Variants in CNTRL observed in about 807,000 individuals in gnomAD.
CNTRL encodes the protein centriolin.
In CNTRL, 233 loss-of-function variants were observed where a neutral mutation model predicts 303.7. That is an observed-to-expected ratio of 0.77 (90% confidence interval 0.69 to 0.86). The LOEUF (loss-of-function observed/expected upper bound fraction) is 0.86, where lower values mean the gene tolerates loss of function less well. CNTRL is among the 40% of genes least tolerant of loss of function. The pLI is 0.00. For synonymous variants in CNTRL, 900 were observed against 922.2 expected (o/e 0.98, Z 0.44); for missense variants, 2,524 against 2,650.6 (o/e 0.95, Z 1.05).
At chr9:121,124,758 C>T (rs573671296) in intron 13 of CNTRL, among the ~76,000 whole-genome samples, 2 of 135,106 alleles carry the variant, frequency 1.5e-5, no homozygotes, top group Admixed American at 1.6e-4. Flanking sequence ...GGCAACATGG[C>T]GAAACCCCGT....
intron 43 of CNTRL, among the ~76,000 whole-genome samples, chr9:121,176,497 G>A (rs1474125668): frequency 6.6e-6 from 1 of 152,216 alleles, no homozygotes; most frequent in African/African-American, 2.4e-5. Context: ...GTTCGAGGAG[G>A]AGTGTGAGAG....
At chr9:121,128,687 T>A (rs1215329615) in intron 14 of CNTRL, among the ~76,000 whole-genome samples, 1 of 152,228 alleles carries the variant, frequency 6.6e-6, no homozygotes, top group Non-Finnish European at 1.5e-5. Flanking sequence ...TGCCATTGCT[T>A]TTGGTGTTTT....
At chr9:121,176,862 A>C (rs1042364581) in intron 43 of CNTRL, among the ~76,000 whole-genome samples, 2 of 152,328 alleles carry the variant, frequency 1.3e-5, no homozygotes, top group African/African-American at 4.8e-5. Flanking sequence ...CAAGTTCTGC[A>C]AGGTCCATCA....
chr9:121,145,963 C>CT (rs922865405), intron 22 of CNTRL, 145 bp from the exon 23 acceptor site: 4 of 650,208 alleles, frequency 6.2e-6, no homozygotes, highest in South Asian at 2.5e-5. Flanking sequence ...ATCAGTTTGC[C>CT]TTTTTTTGAC....
chr9:121,144,903 C>T lies in CNTRL; in HGVS notation c.3112C>T (p.Arg1038Ter), dbSNP rs200500136. 50 of 1,613,316 alleles carry T rather than the reference C, an allele frequency of 3.1e-5. No homozygotes were observed. Among genetic ancestry groups the T allele is most frequent in the Non-Finnish European group, 3.6e-5 (42 of 1,179,936 alleles). ...AGCACAAGCAGCCAGAGATCTCACCCGAGCAGAAGCTGAGATCGAACTCCT... is the reference window on the plus strand; with the variant it reads ...AGCACAAGCAGCCAGAGATCTCACCTGAGCAGAAGCTGAGATCGAACTCCT... The part of the protein sequence containing the change: ...KAAQAARDLT[R>*]AEAEIELLQN... Residue 1038 changes from arginine (R) to a stop codon, truncating the protein, a stop_gained, in exon 21 of 44, where the codon CGA (arginine) becomes TGA (stop). Coordinates refer to ENST00000373855, the MANE Select transcript of CNTRL (RefSeq NM_007018.6). LOFTEE classifies it high-confidence loss of function.
At chr9:121,087,975 T>G (rs1001348804) in intron 2 of CNTRL, among the ~76,000 whole-genome samples, 6 of 152,156 alleles carry the variant, frequency 3.9e-5, no homozygotes, top group Non-Finnish European at 7.4e-5. Flanking sequence ...TTGCCAAATA[T>G]TCCAGCTTCC....
At position 121,112,477 on chromosome 9, in the gene CNTRL, G is replaced by A. The variant is rs763465202; in HGVS notation, c.1021G>A (p.Glu341Lys). 10 of 1,612,688 alleles carry A rather than the reference G, an allele frequency of 6.2e-6. No homozygotes were observed. The South Asian group carries it at 1.1e-4, about 18-fold the overall frequency. Residue 341 changes from glutamate (E) to lysine (K), a missense_variant, in exon 9 of 44, where the codon GAA becomes AAA. By Grantham distance (56) the Glu-to-Lys change is moderately conservative. Coordinates refer to ENST00000373855, the MANE Select transcript of CNTRL (RefSeq NM_007018.6). ...KNELLKQKTI[E>K]LTRACQKQYE... ...CCAATAGCTAAAACAGAAGACCATAGAATTAACACGAGCATGTCAGAAGCA... is the reference window on the plus strand; with the variant it reads ...CCAATAGCTAAAACAGAAGACCATAAAATTAACACGAGCATGTCAGAAGCA...
Position 121,167,580 on chromosome 9 carries a change from A to G in CNTRL, c.5747A>G (p.Glu1916Gly). 6.2e-7 allele frequency: 1 copy of G among 1,614,182 alleles called. No individual in the cohort carries two copies. The highest frequency in any genetic ancestry group is 8.5e-7 in the Non-Finnish European group (1 of 1,180,022). Reference protein sequence around the residue: ...KDISEWANRFEDCQKEEETKQ... With the variant: ...KDISEWANRFGDCQKEEETKQ... ...ATCAGTGAATGGGCAAATAGGTTTGAAGACTGTCAGAAAGAAGAGGAGACA... is the reference window on the plus strand; with the variant it reads ...ATCAGTGAATGGGCAAATAGGTTTGGAGACTGTCAGAAAGAAGAGGAGACA... Residue 1916 changes from glutamate (E) to glycine (G), a missense_variant, in exon 37 of 44, where the codon GAA becomes GGA. Transcript: ENST00000373855.
Position 121,140,802 on chromosome 9 carries a change from G to C in CNTRL, c.2483+16G>C. 6.2e-7 allele frequency: 1 copy of C among 1,608,102 alleles called. No homozygotes were observed. The highest frequency in any genetic ancestry group is 1.1e-5 in the South Asian group (1 of 90,310). ...GGGAAATGAAGTAAGGAAAAAGCAA[G>C]ACCTCCAAGTCTAGAGTGGGCCTCA... On this transcript the variant is annotated intron_variant, in intron 17 of 43. Transcript: ENST00000373855.
intron 7 of CNTRL, among the ~76,000 whole-genome samples, chr9:121,106,729 C>T (rs796905940): frequency 3.9e-5 from 6 of 152,208 alleles, no homozygotes; most frequent in African/African-American, 1.4e-4. Flanking sequence ...CCAAAAATGG[C>T]AATTTCATAT....
intron 40 of CNTRL, among the ~76,000 whole-genome samples, chr9:121,171,896 C>G (rs1245546611): frequency 2.6e-5 from 4 of 152,134 alleles, no homozygotes; most frequent in Admixed American, 2.0e-4. Context: ...ACCCCTTGAG[C>G]AAGAAAAGAT....
At position 121,175,154 on chromosome 9, in the gene CNTRL, C is replaced by T. The variant is rs762963605; in HGVS notation, c.6884C>T (p.Ser2295Leu). 1.2e-6 allele frequency: 2 copies of T among 1,614,160 alleles called. No homozygotes were observed. The highest frequency in any genetic ancestry group is 1.7e-5 in the Admixed American group (1 of 60,006). ...TTGGTCACCAGCACCTCTGCAGATT[C>T]AGCGTCATCACCCAGTCTGTCTCAG... ...GELVTSTSAD[S>L]ASSPSLSQLE... Residue 2295 changes from serine (S) to leucine (L), a missense_variant, in exon 43 of 44, where the codon TCA becomes TTA. Coordinates refer to ENST00000373855, the MANE Select transcript of CNTRL (RefSeq NM_007018.6).
rs1234520372 is a variant in CNTRL, at chr9:121,169,802, G to A, written c.6262G>A (p.Glu2088Lys). Residue 2088 changes from glutamate to lysine, a missense_variant, in exon 39 of 44, where the codon GAG (glutamate) becomes AAG (lysine). By Grantham distance (56) the Glu-to-Lys change is moderately conservative. Coordinates refer to ENST00000373855, the MANE Select transcript of CNTRL (RefSeq NM_007018.6). ...EALKIQRSQL[E>K]KNLLEQKQEN... ...ACTTAAGATCCAGCGGAGCCAGCTGGAGAAAAACCTTCTTGTGAGTACCTG... is the reference window on the plus strand; with the variant it reads ...ACTTAAGATCCAGCGGAGCCAGCTGAAGAAAAACCTTCTTGTGAGTACCTG... 6.2e-7 allele frequency: 1 copy of A among 1,613,976 alleles called. No individual in the cohort carries two copies. The highest frequency in any genetic ancestry group is 2.2e-5 in the East Asian group (1 of 44,882).
chr9:121,120,439 A>G (rs1018700618), intron 12 of CNTRL, among the ~76,000 whole-genome samples: 1 of 152,208 alleles, frequency 6.6e-6, no homozygotes, highest in Non-Finnish European at 1.5e-5. Flanking sequence ...AATGTGGTCA[A>G]TAATATCTTA....
At chr9:121,075,979 T>A (rs1012336572) in intron 1 of CNTRL, among the ~76,000 whole-genome samples, 2 of 152,210 alleles carry the variant, frequency 1.3e-5, no homozygotes, top group African/African-American at 4.8e-5. Flanking sequence ...TTAATAATTC[T>A]GATCCTATAC....
rs765798531 is a variant in CNTRL, at chr9:121,144,000, C to G, written c.2969C>G (p.Ala990Gly). Residue 990 changes from alanine to glycine, a missense_variant, in exon 20 of 44, where the codon GCC becomes GGC. By Grantham distance (60) the Ala-to-Gly change is moderately conservative. Transcript: ENST00000373855. ...KKAVATSDKL[A>G]TAELTIAKDQ... ...GCCGTGGCCACCTCTGATAAGCTAGCCACAGCTGAGCTCACCATTGCCAAA... is the reference window on the plus strand; with the variant it reads ...GCCGTGGCCACCTCTGATAAGCTAGGCACAGCTGAGCTCACCATTGCCAAA... 13 of 1,613,958 alleles carry G rather than the reference C, an allele frequency of 8.1e-6. No individual in the cohort carries two copies. The East Asian group carries it at 2.2e-4, about 28-fold the overall frequency.
chr9:121,158,169 A>G (rs2052675511), intron 30 of CNTRL, 60 bp downstream of exon 30: 2 of 1,565,072 alleles, frequency 1.3e-6, no homozygotes, highest in Non-Finnish European at 8.7e-7. Context: ...TATAAAAGTA[A>G]TACATGTTTA....
intron 1 of CNTRL, among the ~76,000 whole-genome samples, chr9:121,078,058 C>A (rs1427949347): frequency 6.6e-6 from 1 of 152,164 alleles, no homozygotes; most frequent in Non-Finnish European, 1.5e-5. Context: ...TAGCTTTTCT[C>A]AAATTTTAGA....
intron 14 of CNTRL, among the ~76,000 whole-genome samples, chr9:121,131,733 G>A (rs2133754755): frequency 6.6e-6 from 1 of 152,294 alleles, no homozygotes; most frequent in Non-Finnish European, 1.5e-5. Flanking sequence ...GGCATTGATG[G>A]TCTTTACAAT....
Sources: gnomAD v4.1 joint callset for allele counts (sites outside exome capture counted in the v4.1 genomes callset) on GRCh38, gnomAD v4.1.1 for gene constraint, MANE v1.5 for transcripts, NCBI Gene and HGNC (gene_info 2026-07-23, HGNC 2026-07-21) for gene names.